The following KIF5C variants were observed in gnomAD, a reference collection of about 807,000 sequenced individuals.
The protein encoded by KIF5C is kinesin family member 5C, also known as kinesin heavy chain isoform 5C.
KIF5C carries 18 observed loss-of-function variants against 125.2 expected under a neutral mutation model. The observed-to-expected ratio is 0.14, with a 90% CI of 0.10 to 0.21. The LOEUF (loss-of-function observed/expected upper bound fraction) is 0.21, where lower values mean the gene tolerates loss of function less well. Ranked by LOEUF, KIF5C falls within the 10% of genes least tolerant of loss-of-function variation. The pLI is 1.00. For missense variants in KIF5C, 780 were observed against 1,183.8 expected (o/e 0.66, Z 5.01); for synonymous variants, 405 against 434.0 (o/e 0.93, Z 0.83).
intron 4 of KIF5C, among the ~76,000 whole-genome samples, chr2:148,940,430 C>T (rs1381190063): frequency 6.6e-6 from 1 of 152,146 alleles, no homozygotes; most frequent in Non-Finnish European, 1.5e-5. Flanking sequence ...AAGCTAGGAC[C>T]CCACATCTCA....
intron 10 of KIF5C, 24 bp from the exon 11 acceptor site, chr2:148,961,947 G>T: frequency 1.9e-6 from 3 of 1,602,028 alleles, no homozygotes; most frequent in Non-Finnish European, 2.6e-6. Flanking sequence ...TAGCTGAATT[G>T]TCCCCTTATG....
In KIF5C at chr2:148,875,575, G is replaced by GCCCCCCCCCCCCCCCCCGT; in HGVS notation, c.-37_-36insCCCCCCCCCCCGTCCCCCC. On this transcript the variant is annotated 5_prime_UTR_variant, in exon 1 of 26. Coordinates refer to ENST00000435030, the MANE Select transcript of KIF5C (RefSeq NM_004522.3). Reference sequence around the variant, plus strand: ...TCCTCCCTCGTCGTTCCCGGCCCCGGCCCCCCACCCATCCCCGTGCCCCCT... The same window carrying GCCCCCCCCCCCCCCCCCGT: ...TCCTCCCTCGTCGTTCCCGGCCCCGGCCCCCCCCCCCCCCCCCGTCCCCCCACCCATCCCCGTGCCCCCT... The GCCCCCCCCCCCCCCCCCGT allele has an allele frequency of 1.4e-6, 1 of 699,606 alleles. No individual in the cohort carries two copies. The allele number at this position is 699,606 out of a possible 1,614,324, so 43.3% of individuals were successfully genotyped here.
intron 1 of KIF5C, among the ~76,000 whole-genome samples, chr2:148,901,853 A>G (rs1250189367): frequency 6.6e-6 from 1 of 152,274 alleles, no homozygotes; most frequent in East Asian, 1.9e-4. Context: ...CCTCTTAAGG[A>G]ATCTGGAGGA....
chr2:148,929,556 T>C (rs1244787046), intron 3 of KIF5C, among the ~76,000 whole-genome samples: 2 of 152,258 alleles, frequency 1.3e-5, no homozygotes, highest in African/African-American at 4.8e-5. Flanking sequence ...AAAAGTACTT[T>C]ATTGATAACT....
rs562460035 is a variant in KIF5C at position 148,876,877 on chromosome 2, G to A, written c.126+1134G>A. The stretch of plus-strand genomic sequence containing the variant: ...TCCTGGCAGCCTGCTCCAGGCTGCT[G>A]ATGCAGCCTTCCCGTCCCCAGCATT... On this transcript the variant is annotated intron_variant, in intron 1 of 25. Transcript: ENST00000435030. This position sits in a 1 kb window ranked among gnomAD's most constrained non-coding sequence, Gnocchi z 4.7. Among the ~76,000 whole-genome samples, 1 of 152,320 alleles carries A rather than the reference G, an allele frequency of 6.6e-6. No individual in the cohort carries two copies. The highest frequency in any genetic ancestry group is 1.9e-4 in the East Asian group (1 of 5,164).
chr2:148,962,976 G>A (rs931832990), intron 11 of KIF5C, among the ~76,000 whole-genome samples: 7 of 150,716 alleles, frequency 4.6e-5, no homozygotes, highest in East Asian at 2.0e-4. Context: ...TTCGTGACTC[G>A]TTTTCCTTCT....
intron 16 of KIF5C, among the ~76,000 whole-genome samples, chr2:148,994,191 A>G (rs372066647): frequency 1.2e-4 from 18 of 152,268 alleles, no homozygotes; most frequent in African/African-American, 4.1e-4. Context: ...GGGGCCTGCC[A>G]TGAGTGGTGT....
Position 148,875,607 on chromosome 2 carries a change from C to G in KIF5C, c.-11C>G. 3 of 1,535,358 alleles carry G rather than the reference C, an allele frequency of 2.0e-6. No individual in the cohort carries two copies. The highest frequency in any genetic ancestry group is 2.6e-6 in the Non-Finnish European group (3 of 1,136,702). ...ACCCATCCCCGTGCCCCCTCCCTAC[C>G]GCCGGCCGAGATGGCGGATCCAGCC... On this transcript the variant is annotated 5_prime_UTR_variant, in exon 1 of 26. Coordinates refer to ENST00000435030, the MANE Select transcript of KIF5C (RefSeq NM_004522.3).
At chr2:149,017,024 A>G (rs1682382230) in intron 25 of KIF5C, among the ~76,000 whole-genome samples, 1 of 152,006 alleles carries the variant, frequency 6.6e-6, no homozygotes. Context: ...GATGACAGAG[A>G]CTGGGTGGTT....
intron 19 of KIF5C, among the ~76,000 whole-genome samples, chr2:148,999,008 T>G (rs541562783): frequency 2.6e-5 from 4 of 152,168 alleles, no homozygotes; most frequent in African/African-American, 9.6e-5. Context: ...TGTGCTCACT[T>G]CTTAGGGCCC....
chr2:148,914,347 T>G (rs1420129624), intron 1 of KIF5C, among the ~76,000 whole-genome samples: 1 of 152,220 alleles, frequency 6.6e-6, no homozygotes, highest in Non-Finnish European at 1.5e-5. Flanking sequence ...ACAGGTTCCA[T>G]TATTCTCTTT....
chr2:148,944,137 C>T (rs903589036), intron 7 of KIF5C, among the ~76,000 whole-genome samples: 1 of 152,084 alleles, frequency 6.6e-6, no homozygotes, highest in Non-Finnish European at 1.5e-5. Flanking sequence ...TCTTATCATT[C>T]TGGTAAGGTT....
intron 14 of KIF5C, 126 bp from the exon 15 acceptor site, chr2:148,983,494 A>G: frequency 7.6e-7 from 1 of 1,311,608 alleles, no homozygotes; most frequent in South Asian, 2.4e-5. Flanking sequence ...TTTGCCTTAA[A>G]AGGATTCTTA....
chr2:148,943,791 G>A (rs1303460650), intron 7 of KIF5C, among the ~76,000 whole-genome samples: 1 of 152,118 alleles, frequency 6.6e-6, no homozygotes, highest in Non-Finnish European at 1.5e-5. Context: ...TTCTACCCAA[G>A]ACTCTCTGAT....
chr2:148,920,757 G>C (rs551947737), intron 1 of KIF5C, among the ~76,000 whole-genome samples: 2 of 152,322 alleles, frequency 1.3e-5, no homozygotes, highest in African/African-American at 4.8e-5. Flanking sequence ...TACTTTGTGT[G>C]AAGGTTATAG....
rs148344309 is a variant in KIF5C, at chr2:148,977,856, T to C, written c.1294-1066T>C. On this transcript the variant is annotated intron_variant, in intron 12 of 25. Coordinates refer to ENST00000435030, the MANE Select transcript of KIF5C (RefSeq NM_004522.3). ...AGGCTGGGGAATATCCCGTGGAACA[T>C]TGAGGTTCTGTGACCCAGGCCCTTA... Among the ~76,000 whole-genome samples, 755 of 152,308 alleles carry C rather than the reference T, an allele frequency of 5.0e-3. 5 individuals are homozygous for C. Among genetic ancestry groups the C allele is most frequent in the African/African-American group, 0.015 (612 of 41,576 alleles).
intron 25 of KIF5C, among the ~76,000 whole-genome samples, chr2:149,017,282 A>T (rs189874119): frequency 3.6e-4 from 55 of 152,258 alleles, no homozygotes; most frequent in African/African-American, 1.3e-3. Flanking sequence ...GGTGGGCGGT[A>T]GATGGGGTGC....
intron 10 of KIF5C, among the ~76,000 whole-genome samples, chr2:148,954,516 G>A (rs1477546113): frequency 1.3e-5 from 2 of 152,196 alleles, no homozygotes; most frequent in Admixed American, 1.3e-4. Flanking sequence ...TTGATTTGGG[G>A]TGGTAATAAA....
At chr2:148,905,195 A>C (rs1339172159) in intron 1 of KIF5C, among the ~76,000 whole-genome samples, 6 of 152,234 alleles carry the variant, frequency 3.9e-5, no homozygotes. Context: ...TTAATTAAAA[A>C]AATATTAAAT....
Sources: gnomAD v4.1 joint callset for allele counts (sites outside exome capture counted in the v4.1 genomes callset) on GRCh38, gnomAD v4.1.1 for gene constraint, Gnocchi (gnomAD v3.1) non-coding constraint, MANE v1.5 for transcripts, NCBI Gene and HGNC (gene_info 2026-07-23, HGNC 2026-07-21) for gene names.